PPP1R1C: variants seen among roughly 807,000 people sequenced by gnomAD.
PPP1R1C encodes the protein protein phosphatase 1 regulatory subunit 1C.
In PPP1R1C, 15 loss-of-function variants were observed where a neutral mutation model predicts 17.4. The observed-to-expected ratio is 0.86, with a 90% confidence interval of 0.58 to 1.33. PPP1R1C has a LOEUF of 1.33. Among genes scored for constraint, PPP1R1C ranks in the 40% most tolerant of loss-of-function variants. PPP1R1C has a pLI of 0.00. For missense variants in PPP1R1C, 143 were observed against 130.0 expected (o/e 1.10, Z -0.48); for synonymous variants, 35 against 43.1 (o/e 0.81, Z 0.73).
At chr2:182,042,338 G>C (rs1192355180) in intron 2 of PPP1R1C, among the ~76,000 whole-genome samples, 1 of 152,184 alleles carries the variant, frequency 6.6e-6, no homozygotes, top group Non-Finnish European at 1.5e-5. Flanking sequence ...AAAGGATTTG[G>C]ATGGAAGTAC....
upstream of PPP1R1C, among the ~76,000 whole-genome samples, chr2:181,983,676 G>A (rs1003645248): frequency 1.3e-5 from 2 of 152,140 alleles, no homozygotes; most frequent in Non-Finnish European, 2.9e-5. Context: ...GTAGACTATA[G>A]TATCTACTCA....
chr2:181,968,346 G>A (rs1362426583), intron 1 of PPP1R1C, among the ~76,000 whole-genome samples: 1 of 152,144 alleles, frequency 6.6e-6, no homozygotes, highest in Non-Finnish European at 1.5e-5. Context: ...TTTAATGCTA[G>A]TAATATTTGC....
At chr2:182,022,039 A>G (rs1278741231) in intron 2 of PPP1R1C, among the ~76,000 whole-genome samples, 1 of 152,180 alleles carries the variant, frequency 6.6e-6, no homozygotes, top group South Asian at 2.1e-4. Flanking sequence ...ACCACTTATG[A>G]GTAGATATTT....
chr2:181,963,390 C>T (rs1684844320), intron 1 of PPP1R1C, among the ~76,000 whole-genome samples: 3 of 152,144 alleles, frequency 2.0e-5, no homozygotes, highest in Non-Finnish European at 4.4e-5. Flanking sequence ...CCTGTAATCC[C>T]AGCACTTTGG....
At chr2:182,001,243 G>A (rs1233970001) in intron 2 of PPP1R1C, among the ~76,000 whole-genome samples, 1 of 152,150 alleles carries the variant, frequency 6.6e-6, no homozygotes, top group Non-Finnish European at 1.5e-5. Flanking sequence ...GACATGCTTT[G>A]AGATAGGCAT....
intron 2 of PPP1R1C, among the ~76,000 whole-genome samples, chr2:181,998,859 T>C (rs1685685185): frequency 6.6e-6 from 1 of 152,198 alleles, no homozygotes. Context: ...CTTCTAATGG[T>C]TAAAAGGTTT....
chr2:181,998,207 A>T (rs545552678), intron 2 of PPP1R1C, among the ~76,000 whole-genome samples: 1 of 152,198 alleles, frequency 6.6e-6, no homozygotes, highest in Non-Finnish European at 1.5e-5. Flanking sequence ...GATCCTGGTA[A>T]CACTGGCATT....
intron 2 of PPP1R1C, among the ~76,000 whole-genome samples, chr2:182,015,894 C>T (rs1391733212): frequency 1.3e-5 from 2 of 152,190 alleles, no homozygotes; most frequent in Admixed American, 6.5e-5. Flanking sequence ...GGTGATGACT[C>T]AAGCACTCCT....
chr2:182,076,550 A>ATT (rs1209097960), intron 4 of PPP1R1C, among the ~76,000 whole-genome samples: 1 of 150,428 alleles, frequency 6.6e-6, no homozygotes. Context: ...CTGTGATTTC[A>ATT]TACACTGCAC....
chr2:182,072,783 C>T (rs1423151157), intron 4 of PPP1R1C, among the ~76,000 whole-genome samples: 2 of 152,128 alleles, frequency 1.3e-5, no homozygotes, highest in Non-Finnish European at 2.9e-5. Context: ...ATTTTAAACT[C>T]GTGTTATTGA....
chr2:182,042,446 C>G (rs1687212840), intron 2 of PPP1R1C, among the ~76,000 whole-genome samples: 1 of 152,174 alleles, frequency 6.6e-6, no homozygotes, highest in African/African-American at 2.4e-5. Context: ...GAAGGCTTGA[C>G]TGTGTTGGGA....
intron 5 of PPP1R1C, among the ~76,000 whole-genome samples, chr2:182,128,088 A>C (rs1008746902): frequency 1.2e-4 from 19 of 152,094 alleles, no homozygotes; most frequent in African/African-American, 4.6e-4. Flanking sequence ...TTCATTATTC[A>C]ATAAATATGT....
chr2:181,993,411 G>C (rs1685523775), intron 2 of PPP1R1C, among the ~76,000 whole-genome samples: 2 of 152,094 alleles, frequency 1.3e-5, no homozygotes, highest in Admixed American at 1.3e-4. Context: ...TGAGGTACCA[G>C]CCACCCCCAG....
chr2:181,958,600 G>A (rs574304714), intron 1 of PPP1R1C, among the ~76,000 whole-genome samples: 20 of 152,300 alleles, frequency 1.3e-4, no homozygotes, highest in Non-Finnish European at 2.2e-4. Context: ...GGTAATTACA[G>A]CACCAGATCA....
At position 181,961,596 on chromosome 2, in the gene PPP1R1C, C is replaced by G. The variant is rs563183891; in HGVS notation, n.111+6962C>G. 1.3e-5 allele frequency: 10 copies of G among 741,952 alleles called. No homozygotes were observed. In the African/African-American group the frequency reaches 1.7e-4, roughly 13 times the overall value. The allele number at this position is 741,952 out of a possible 1,614,324, so 46.0% of individuals were successfully genotyped here. A position where few individuals can be genotyped will look rare whatever the true frequency, so the allele number is the denominator to read the frequency against. On this transcript the variant is annotated intron_variant and non_coding_transcript_variant, in intron 1 of 5. Transcript: ENST00000464264. The surrounding 1 kb of genome is among the most constrained non-coding windows in gnomAD (Gnocchi z 5.8). ...GGACTGTACGTCTCAGCTCCGTGAG[C>G]GTCATCTCAGCATCTCCAACCTTGG...
At chr2:181,997,359 C>T (rs2125146566) in intron 2 of PPP1R1C, among the ~76,000 whole-genome samples, 1 of 152,000 alleles carries the variant, frequency 6.6e-6, no homozygotes, top group East Asian at 1.9e-4. Flanking sequence ...GACTACTTAA[C>T]CAAGTAATAA....
intron 2 of PPP1R1C, among the ~76,000 whole-genome samples, chr2:182,043,719 C>T (rs1386005941): frequency 1.3e-5 from 2 of 152,116 alleles, no homozygotes; most frequent in South Asian, 2.1e-4. Flanking sequence ...TTTTTACAGG[C>T]CTCTTCCCTG....
intron 2 of PPP1R1C, among the ~76,000 whole-genome samples, chr2:182,061,236 T>C (rs1370420155): frequency 1.3e-5 from 2 of 152,096 alleles, no homozygotes; most frequent in African/African-American, 4.8e-5. Flanking sequence ...GAAAGCTTTT[T>C]CTATACCTTT....
intron 2 of PPP1R1C, among the ~76,000 whole-genome samples, chr2:182,016,399 C>T (rs1686264145): frequency 6.6e-6 from 1 of 152,080 alleles, no homozygotes; most frequent in South Asian, 2.1e-4. Context: ...GATAGTTGTT[C>T]AATTTGGTAT....
Sources: gnomAD v4.1 joint callset for allele counts (sites outside exome capture counted in the v4.1 genomes callset) on GRCh38, gnomAD v4.1.1 for gene constraint, Gnocchi (gnomAD v3.1) non-coding constraint, MANE v1.5 for transcripts, NCBI Gene and HGNC (gene_info 2026-07-23, HGNC 2026-07-21) for gene names.